The following TBC1D9 variants were observed in gnomAD, a reference collection of about 807,000 sequenced individuals.
The protein encoded by TBC1D9 is TBC1 domain family member 9, also known as TBC1 domain family member 9A.
Under a neutral mutation model 132.0 loss-of-function variants are expected in TBC1D9, and 63 were observed. That is an observed-to-expected ratio of 0.48 (90% confidence interval 0.39 to 0.59). The LOEUF is 0.59. Ranked by LOEUF, TBC1D9 falls within the 20% of genes least tolerant of loss-of-function variation. The pLI is 0.00. For synonymous variants in TBC1D9, 610 were observed against 609.9 expected (o/e 1.00, Z 0.00); for missense variants, 1,261 against 1,592.7 (o/e 0.79, Z 3.54).
rs112318303 is a variant in TBC1D9, at chr4:140,623,034, C to T, written c.3079-117G>A. 2.7e-4 allele frequency: 340 copies of T among 1,272,742 alleles called. No homozygotes were observed. The African/African-American group carries it at 4.4e-3, about 17-fold the overall frequency. 78.8% of individuals were successfully genotyped at this position (1,272,742 alleles called of 1,614,324 possible). On this transcript the variant is annotated intron_variant, in intron 20 of 20. Coordinates refer to ENST00000442267, the MANE Select transcript of TBC1D9 (RefSeq NM_015130.3). ...GCCTAAAGATCCCTGGAAAGTCCTC[C>T]GCCTAGGCTGGATGGACATGTTTAA...
chr4:140,739,327 C>CCTTTAG (rs1738723823), intron 1 of TBC1D9, among the ~76,000 whole-genome samples: 1 of 152,176 alleles, frequency 6.6e-6, no homozygotes, highest in South Asian at 2.1e-4. Context: ...GCCCAAGTTT[C>CCTTTAG]CTTTAGCTTT....
chr4:140,704,269 T>C (rs1195081532), intron 1 of TBC1D9, among the ~76,000 whole-genome samples: 1 of 151,720 alleles, frequency 6.6e-6, no homozygotes, highest in Non-Finnish European at 1.5e-5. Context: ...GGCACAATGG[T>C]GTGCACCTGT....
rs192609372 is a variant in TBC1D9 at position 140,684,554 on chromosome 4, T to C, written c.360+1790A>G. ...GGTGTAATACAAACAAAAAGGAAAATGGCTGTTTGACATAATTGGTCTTTG... is the reference window on the plus strand; with the variant it reads ...GGTGTAATACAAACAAAAAGGAAAACGGCTGTTTGACATAATTGGTCTTTG... On this transcript the variant is annotated intron_variant, in intron 3 of 20. Coordinates refer to ENST00000442267, the MANE Select transcript of TBC1D9 (RefSeq NM_015130.3). 4.0e-3 allele frequency among the ~76,000 whole-genome samples: 604 copies of C among 152,130 alleles called. 3 individuals are homozygous for C. Among genetic ancestry groups the C allele is most frequent in the Non-Finnish European group, 5.7e-3 (387 of 67,986 alleles).
chr4:140,718,268 C>T (rs1406853645), intron 1 of TBC1D9, among the ~76,000 whole-genome samples: 2 of 132,248 alleles, frequency 1.5e-5, no homozygotes, highest in Admixed American at 7.9e-5. Context: ...AAAAAAAGTA[C>T]ATTCAGCTAT....
rs201149637 is a variant in TBC1D9, at chr4:140,660,914, TTTC to T, written c.1803+976_1803+978del. Among the ~76,000 whole-genome samples, 539 of 114,646 alleles carry T rather than the reference TTTC, an allele frequency of 4.7e-3. 7 individuals carry two copies. Among genetic ancestry groups the T allele is most frequent in the Admixed American group, 0.025 (301 of 11,952 alleles). 75.2% of individuals were successfully genotyped at this position (114,646 alleles called of 152,430 possible). A position where few individuals can be genotyped will look rare whatever the true frequency, so the allele number is the denominator to read the frequency against. On this transcript the variant is annotated intron_variant, in intron 10 of 20. Coordinates refer to ENST00000442267, the MANE Select transcript of TBC1D9 (RefSeq NM_015130.3). The stretch of plus-strand genomic sequence containing the variant: ...TCTACAATGATATAGCCTTTGATTC[TTTC>T]TTTTTTTTTTAATTTGAGACGGAGT...
intron 18 of TBC1D9, among the ~76,000 whole-genome samples, chr4:140,625,821 T>C (rs957134268): frequency 4.6e-5 from 7 of 152,198 alleles, no homozygotes; most frequent in Non-Finnish European, 8.8e-5. Flanking sequence ...TATATACATA[T>C]ATCTGTGGTG....
intron 1 of TBC1D9, among the ~76,000 whole-genome samples, chr4:140,729,050 TG>T (rs1455164101): frequency 6.6e-6 from 1 of 152,160 alleles, no homozygotes; most frequent in African/African-American, 2.4e-5. Flanking sequence ...TAGATCCTCT[TG>T]GCAATGCTTT....
intron 2 of TBC1D9, among the ~76,000 whole-genome samples, chr4:140,690,519 T>C (rs2321556): frequency 0.68 from 103,453 of 151,746 alleles, 35,376 homozygotes; most frequent in African/African-American, 0.73. Flanking sequence ...TGTCCTTCCT[T>C]CCTCACTTGT....
chr4:140,661,472 T>C (rs1287948490), intron 10 of TBC1D9, among the ~76,000 whole-genome samples: 1 of 152,160 alleles, frequency 6.6e-6, no homozygotes, highest in African/African-American at 2.4e-5. Context: ...TGCCCTCTCT[T>C]ACTCCAGGGT....
chr4:140,678,450 C>A (rs1298659736), intron 5 of TBC1D9, among the ~76,000 whole-genome samples: 1 of 152,202 alleles, frequency 6.6e-6, no homozygotes, highest in Non-Finnish European at 1.5e-5. Context: ...GACTTTGAGG[C>A]TTCTCTGCAG....
intron 1 of TBC1D9, among the ~76,000 whole-genome samples, chr4:140,733,750 T>G (rs1738634281): frequency 6.6e-6 from 1 of 152,198 alleles, no homozygotes; most frequent in South Asian, 2.1e-4. Context: ...TGCGTTCTGT[T>G]TAACTCTATA....
chr4:140,747,353 A>C (rs1738852807), intron 1 of TBC1D9, among the ~76,000 whole-genome samples: 1 of 151,934 alleles, frequency 6.6e-6, no homozygotes, highest in Non-Finnish European at 1.5e-5. Flanking sequence ...CTCTGTCAAA[A>C]AAAAAAAGAA....
intron 1 of TBC1D9, among the ~76,000 whole-genome samples, chr4:140,716,354 A>G (rs1179793544): frequency 5.9e-5 from 9 of 152,072 alleles, no homozygotes; most frequent in African/African-American, 2.2e-4. Flanking sequence ...AGCTGGGTGT[A>G]GTGGAGCTTG....
chr4:140,663,005 T>C (rs768478909), intron 9 of TBC1D9, among the ~76,000 whole-genome samples: 5 of 152,214 alleles, frequency 3.3e-5, no homozygotes, highest in Admixed American at 1.3e-4. Flanking sequence ...GGCAATTATT[T>C]TCTGGATGTG....
chr4:140,715,749 T>C (rs1578853374), intron 1 of TBC1D9: 1 of 152,302 alleles, frequency 6.6e-6, no homozygotes, highest in Admixed American at 6.5e-5. Context: ...TGGAACCTCA[T>C]CACTTTGAGG....
chr4:140,621,066 T>G lies in TBC1D9; in HGVS notation c.*1129A>C, dbSNP rs1003464778. 2 of 152,616 alleles carry G rather than the reference T, an allele frequency of 1.3e-5. No homozygotes were observed. Among genetic ancestry groups the G allele is most frequent in the Admixed American group, 6.5e-5 (1 of 15,282 alleles). 9.5% of individuals were successfully genotyped at this position (152,616 alleles called of 1,614,324 possible). A position where few individuals can be genotyped will look rare whatever the true frequency, so the allele number is the denominator to read the frequency against. On this transcript the variant is annotated 3_prime_UTR_variant, in exon 21 of 21. Transcript: ENST00000442267. ...AACAGTAATAAAAAAGAAGCAAGAA[T>G]TCAAAGTGCAGGTGCGCTAGCTTTC...
At chr4:140,685,139 A>G (rs888230840) in intron 3 of TBC1D9, among the ~76,000 whole-genome samples, 46 of 152,364 alleles carry the variant, frequency 3.0e-4, no homozygotes, top group African/African-American at 1.1e-3. Flanking sequence ...ACTGGTTCAG[A>G]TGAAAAATCA....
intron 18 of TBC1D9, among the ~76,000 whole-genome samples, chr4:140,624,805 A>G (rs577220937): frequency 2.0e-5 from 3 of 152,258 alleles, no homozygotes; most frequent in African/African-American, 7.2e-5. Context: ...TAATCCCAGC[A>G]CTTTGGAAGG....
chr4:140,744,542 T>G (rs1738808870), intron 1 of TBC1D9, among the ~76,000 whole-genome samples: 1 of 152,142 alleles, frequency 6.6e-6, no homozygotes, highest in Admixed American at 6.6e-5. Flanking sequence ...TAGAAAACAC[T>G]TGCCATCTAT....
Sources: allele counts gnomAD v4.1 joint callset (sites outside exome capture counted in the v4.1 genomes callset), GRCh38; gene constraint gnomAD v4.1.1; transcripts MANE v1.5; gene names NCBI Gene and HGNC (gene_info 2026-07-23, HGNC 2026-07-21).